Variants in NEO1 observed in about 807,000 individuals in gnomAD.
NEO1 encodes the protein neogenin 1.
Under a neutral mutation model 159.7 loss-of-function variants are expected in NEO1, and 63 were observed. The ratio of observed to expected loss-of-function variants is 0.39; its 90% confidence interval spans 0.32 to 0.49. The LOEUF (loss-of-function observed/expected upper bound fraction) is 0.49, where lower values mean the gene tolerates loss of function less well. Ranked by LOEUF, NEO1 falls within the 20% of genes least tolerant of loss-of-function variation. The pLI is 0.85. For missense variants in NEO1, 1,615 were observed against 1,831.0 expected, an observed-to-expected ratio of 0.88 and a Z score of 2.15; for synonymous variants, 633 against 662.0, an observed-to-expected ratio of 0.96 and a Z score of 0.67.
At chr15:73,116,924 C>G in intron 2 of NEO1, 67 bp downstream of exon 2, 3 of 1,282,788 alleles carry the variant, frequency 2.3e-6, no homozygotes, top group Non-Finnish European at 1.1e-6. Flanking sequence ...GATAAAAGCA[C>G]TGTTCTCTTG....
intron 1 of NEO1, among the ~76,000 whole-genome samples, chr15:73,100,736 T>G (rs1269495157): frequency 6.6e-6 from 1 of 152,214 alleles, no homozygotes; most frequent in Non-Finnish European, 1.5e-5. Flanking sequence ...CTTTATAAAA[T>G]CACATTCTCC....
chr15:73,167,330 G>A (rs62016854), intron 5 of NEO1, among the ~76,000 whole-genome samples: 45,920 of 150,982 alleles, frequency 0.3, 8,621 homozygotes, highest in Admixed American at 0.44. Context: ...AACATCCCAC[G>A]ACTCTAACTT....
At chr15:73,244,977 A>AAAAAAAAAAAAAAAAAAAAAC (rs1555458859) in intron 9 of NEO1, among the ~76,000 whole-genome samples, 2 of 111,960 alleles carry the variant, frequency 1.8e-5, no homozygotes, top group Non-Finnish European at 4.0e-5. Flanking sequence ...AAAAAAAAAA[A>AAAAAAAAAAAAAAAAAAAAAC]AAAAAACAAC....
chr15:73,272,181 A>G lies in NEO1; in HGVS notation c.2858-274A>G, dbSNP rs115882255. Among the ~76,000 whole-genome samples, 116 of 152,344 alleles carry G rather than the reference A, an allele frequency of 7.6e-4. 1 individual carries two copies. The highest frequency in any genetic ancestry group is 2.7e-3 in the African/African-American group (112 of 41,586). Reference sequence around the variant, plus strand: ...ACGGTAGGTACTTGGTACAAATGCCACTTGACTTTCCTACCTAATTATCCT... The same window carrying G: ...ACGGTAGGTACTTGGTACAAATGCCGCTTGACTTTCCTACCTAATTATCCT... On this transcript the variant is annotated intron_variant, in intron 18 of 28. Coordinates refer to ENST00000261908, the MANE Select transcript of NEO1 (RefSeq NM_002499.4).
At chr15:73,074,751 G>A (rs2151336142) in intron 1 of NEO1, among the ~76,000 whole-genome samples, 1 of 152,194 alleles carries the variant, frequency 6.6e-6, no homozygotes, top group Middle Eastern at 3.4e-3. Flanking sequence ...CTTTCTGTCA[G>A]TCTTACCCCA....
chr15:73,274,858 C>A, intron 21 of NEO1, 134 bp downstream of exon 21: 1 of 825,762 alleles, frequency 1.2e-6, no homozygotes, highest in Non-Finnish European at 1.9e-6. Context: ...AGTTATTGGC[C>A]AAAGTAGAGT....
At chr15:73,286,265 T>C (rs888393222) in intron 23 of NEO1, among the ~76,000 whole-genome samples, 2 of 152,352 alleles carry the variant, frequency 1.3e-5, no homozygotes, top group African/African-American at 4.8e-5. Context: ...CAGCGACCTG[T>C]GTATTGCTAA....
At chr15:73,069,123 G>GTTT (rs750116133) in intron 1 of NEO1, among the ~76,000 whole-genome samples, 9 of 113,690 alleles carry the variant, frequency 7.9e-5, no homozygotes, top group South Asian at 3.1e-4. Flanking sequence ...GCTAATTTTT[G>GTTT]TATTTTTTTT....
intron 1 of NEO1, among the ~76,000 whole-genome samples, chr15:73,075,720 C>T (rs569681149): frequency 5.9e-5 from 9 of 152,092 alleles, no homozygotes; most frequent in Non-Finnish European, 1.0e-4. Context: ...GGAATTCTGC[C>T]CAATCAGTTG....
At chr15:73,096,497 A>G (rs780529410) in intron 1 of NEO1, among the ~76,000 whole-genome samples, 3 of 152,256 alleles carry the variant, frequency 2.0e-5, no homozygotes, top group Non-Finnish European at 4.4e-5. Flanking sequence ...AGACCAGTCA[A>G]GAGCAAAGAT....
intron 5 of NEO1, among the ~76,000 whole-genome samples, chr15:73,174,399 C>T (rs1032395934): frequency 4.6e-5 from 7 of 152,036 alleles, no homozygotes; most frequent in South Asian, 2.1e-4. Flanking sequence ...GATGATAAGC[C>T]GAAAATTGCC....
chr15:73,120,489 G>A (rs904331262), intron 2 of NEO1, among the ~76,000 whole-genome samples: 6 of 151,562 alleles, frequency 4.0e-5, no homozygotes, highest in Non-Finnish European at 1.5e-5. Flanking sequence ...TAGAAAACCT[G>A]TAATCATTTC....
chr15:73,098,231 T>A (rs1169257457), intron 1 of NEO1, among the ~76,000 whole-genome samples: 3 of 152,164 alleles, frequency 2.0e-5, no homozygotes, highest in South Asian at 2.1e-4. Flanking sequence ...GTTCTTAAAT[T>A]CTCTCGAACT....
At chr15:73,260,130 A>AT (rs1044653902) in intron 14 of NEO1, 141 bp from the exon 15 acceptor site, 15 of 580,580 alleles carry the variant, frequency 2.6e-5, no homozygotes, top group Non-Finnish European at 3.7e-5. Context: ...ATACATACAG[A>AT]TTCTTTTTGA....
intron 7 of NEO1, among the ~76,000 whole-genome samples, chr15:73,178,718 T>C (rs544902983): frequency 6.6e-6 from 1 of 152,314 alleles, no homozygotes; most frequent in South Asian, 2.1e-4. Context: ...CAAATATATT[T>C]CTGTCCTATA....
chr15:73,294,608 C>T (rs1457833212), intron 26 of NEO1, among the ~76,000 whole-genome samples: 1 of 152,014 alleles, frequency 6.6e-6, no homozygotes, highest in Non-Finnish European at 1.5e-5. Context: ...GGTGCGATCT[C>T]GGCTCACTGT....
chr15:73,161,292 A>G (rs1330974704), intron 5 of NEO1, among the ~76,000 whole-genome samples: 5 of 152,246 alleles, frequency 3.3e-5, no homozygotes, highest in East Asian at 3.8e-4. Flanking sequence ...GAAATGAGAT[A>G]CAAATCCAAC....
chr15:73,284,625 G>A (rs531851890), intron 23 of NEO1, among the ~76,000 whole-genome samples: 1 of 121,054 alleles, frequency 8.3e-6, no homozygotes, highest in East Asian at 2.6e-4. Flanking sequence ...TCTCTCTGTT[G>A]CCCAGGCTGG....
At chr15:73,056,045 C>A (rs914407736) in intron 1 of NEO1, among the ~76,000 whole-genome samples, 1 of 152,136 alleles carries the variant, frequency 6.6e-6, no homozygotes, top group Non-Finnish European at 1.5e-5. Context: ...AAATATTTTC[C>A]TGAGCATGCC....
Sources: gnomAD v4.1 joint callset for allele counts (sites outside exome capture counted in the v4.1 genomes callset) on GRCh38, gnomAD v4.1.1 for gene constraint, MANE v1.5 for transcripts, NCBI Gene and HGNC (gene_info 2026-07-23, HGNC 2026-07-21) for gene names.